The following KLF8 variants were observed in gnomAD, a reference collection of about 807,000 sequenced individuals.
KLF8 encodes the protein Krueppel-like factor 8.
KLF8 carries 10 observed loss-of-function variants against 18.2 expected under a neutral mutation model. The ratio of observed to expected loss-of-function variants is 0.55; its 90% confidence interval spans 0.34 to 0.93. KLF8 has a LOEUF of 0.93. Ranked by LOEUF, KLF8 falls within the 40% of genes least tolerant of loss-of-function variation. KLF8 has a pLI of 0.02. For synonymous variants in KLF8, 109 were observed against 97.3 expected, an observed-to-expected ratio of 1.12 and a Z score of -0.71; for missense variants, 264 against 277.9, an observed-to-expected ratio of 0.95 and a Z score of 0.36.
the KLF8 span, among the ~76,000 whole-genome samples, chrX:56,008,124 A>G: frequency 9.0e-4 from 97 of 107,452 alleles, no homozygotes; most frequent in Non-Finnish European, 1.5e-3. Flanking sequence ...AAAGCTATAT[A>G]TATATATATA....
At chrX:56,044,662 G>A in the KLF8 span, among the ~76,000 whole-genome samples, 1 of 112,514 alleles carries the variant, frequency 8.9e-6, no homozygotes, top group Non-Finnish European at 1.9e-5. Flanking sequence ...CAGCTGGCAG[G>A]ATACAATGGC....
the KLF8 span, among the ~76,000 whole-genome samples, chrX:56,193,714 C>T: frequency 9.0e-6 from 1 of 111,602 alleles, no homozygotes; most frequent in African/African-American, 3.3e-5. Context: ...ATAAGCCAAG[C>T]ACAGAAACAC....
At chrX:55,945,482 C>T in the KLF8 span, among the ~76,000 whole-genome samples, 1 of 110,184 alleles carries the variant, frequency 9.1e-6, no homozygotes, top group African/African-American at 3.3e-5. Context: ...CTTTGTAGGT[C>T]GTATCTCAAA....
the KLF8 span, among the ~76,000 whole-genome samples, chrX:56,188,129 T>C: frequency 1.5e-3 from 171 of 111,003 alleles, no homozygotes; most frequent in Non-Finnish European, 2.7e-3. Flanking sequence ...AAAACCCCAT[T>C]GTCTCAGCCC....
the KLF8 span, among the ~76,000 whole-genome samples, chrX:56,079,810 T>TG: frequency 1.8e-5 from 2 of 111,108 alleles, no homozygotes; most frequent in Non-Finnish European, 3.8e-5. Flanking sequence ...ACTCAGGACT[T>TG]GCTTTATGAA....
At chrX:56,220,450 T>C in the KLF8 span, among the ~76,000 whole-genome samples, 1 of 111,126 alleles carries the variant, frequency 9.0e-6, no homozygotes, top group Non-Finnish European at 1.9e-5. Context: ...GTTGGTTTGC[T>C]TTTGTTTTTC....
chrX:56,158,709 A>G, the KLF8 span, among the ~76,000 whole-genome samples: 2 of 111,979 alleles, frequency 1.8e-5, no homozygotes, highest in South Asian at 3.7e-4. Context: ...GTGTATAAAA[A>G]TGCTTGTGAT....
the KLF8 span, among the ~76,000 whole-genome samples, chrX:56,167,125 TTTTC>T: frequency 9.0e-6 from 1 of 111,308 alleles, no homozygotes; most frequent in Non-Finnish European, 1.9e-5. Context: ...TTGCTTTATT[TTTTC>T]TTTCTTTCTT....
At chrX:56,099,060 C>T in the KLF8 span, among the ~76,000 whole-genome samples, 1 of 111,955 alleles carries the variant, frequency 8.9e-6, no homozygotes, top group Non-Finnish European at 1.9e-5. Flanking sequence ...CTTTACTGCA[C>T]TTTGCAGATG....
the KLF8 span, among the ~76,000 whole-genome samples, chrX:56,112,027 G>A: frequency 9.0e-6 from 1 of 111,567 alleles, no homozygotes; most frequent in Non-Finnish European, 1.9e-5. Flanking sequence ...AAAGACATAT[G>A]CACACGTATG....
chrX:56,105,299 A>G, the KLF8 span, among the ~76,000 whole-genome samples: 1 of 111,186 alleles, frequency 9.0e-6, no homozygotes, highest in Non-Finnish European at 1.9e-5. Flanking sequence ...GATCTGTCTA[A>G]TATTGTCAGT....
At chrX:56,130,925 GT>G in the KLF8 span, among the ~76,000 whole-genome samples, 3 of 111,499 alleles carry the variant, frequency 2.7e-5, no homozygotes, top group Non-Finnish European at 3.8e-5. Context: ...CAAACACAAG[GT>G]TTTCAAAGTA....
chrX:55,958,006 C>T, the KLF8 span, among the ~76,000 whole-genome samples: 1 of 111,739 alleles, frequency 8.9e-6, no homozygotes, highest in Admixed American at 9.5e-5. Flanking sequence ...GCTTTAGATG[C>T]AGGAATAGAA....
the KLF8 span, among the ~76,000 whole-genome samples, chrX:56,220,557 C>A: frequency 9.0e-6 from 1 of 111,289 alleles, no homozygotes. Context: ...TTTATCTCGG[C>A]TCACTGCAAC....
intron 3 of KLF8, chrX:56,266,390 T>C (rs2066972742): frequency 1.4e-6 from 1 of 713,857 alleles, no homozygotes; most frequent in Non-Finnish European, 1.7e-6. Context: ...GTTTGGGCAT[T>C]ATTCACAACT....
Position 56,239,867 on chromosome X carries a change from T to C in KLF8, c.7+6526T>C, listed in dbSNP as rs182063696. Reference sequence around the variant, plus strand: ...CTAGTTTCTTTCATTTTTTTCTGCATTTCTCTTCTATTTGCCATTTTTCTT... The same window carrying C: ...CTAGTTTCTTTCATTTTTTTCTGCACTTCTCTTCTATTTGCCATTTTTCTT... On this transcript the variant is annotated intron_variant, in intron 1 of 5. Coordinates refer to ENST00000468660, the MANE Select transcript of KLF8 (RefSeq NM_007250.5). Among the ~76,000 whole-genome samples the C allele has an allele frequency of 7.7e-3, 864 of 112,140 alleles. 2 individuals carry two copies. The highest frequency in any genetic ancestry group is 0.013 in the Non-Finnish European group (701 of 53,224).
chrX:55,989,563 A>C, the KLF8 span, among the ~76,000 whole-genome samples: 5 of 112,039 alleles, frequency 4.5e-5, no homozygotes, highest in African/African-American at 1.6e-4. Context: ...CCCCTTGATC[A>C]TGGTGGATAA....
chrX:56,133,390 C>T, the KLF8 span, among the ~76,000 whole-genome samples: 7 of 111,806 alleles, frequency 6.3e-5, no homozygotes, highest in South Asian at 3.7e-4. Context: ...TGATACACCA[C>T]GTAAACAGAA....
chrX:56,081,500 A>T, the KLF8 span, among the ~76,000 whole-genome samples: 1 of 112,023 alleles, frequency 8.9e-6, no homozygotes, highest in Non-Finnish European at 1.9e-5. Flanking sequence ...CTCCAGCTAA[A>T]ACTTTCAGTA....
Sources: gnomAD v4.1 joint callset for allele counts (sites outside exome capture counted in the v4.1 genomes callset) on GRCh38, gnomAD v4.1.1 for gene constraint, MANE v1.5 for transcripts, NCBI Gene and HGNC (gene_info 2026-07-23, HGNC 2026-07-21) for gene names.